Variants in HEXIM2 observed in about 807,000 individuals in gnomAD.
HEXIM2 encodes the protein HEXIM P-TEFb complex subunit 2.
For missense variants in HEXIM2, 413 were observed against 390.8 expected (o/e 1.06, Z -0.48); for synonymous variants, 159 against 162.7 (o/e 0.98, Z 0.17).
intron 3 of HEXIM2, among the ~76,000 whole-genome samples, chr17:45,167,824 C>A (rs1021392813): frequency 6.6e-6 from 1 of 152,054 alleles, no homozygotes; most frequent in Admixed American, 6.6e-5. Flanking sequence ...TCTCGATCTC[C>A]TGACCTCGTG....
rs371950632 is a variant in HEXIM2 at position 45,169,473 on chromosome 17, C to T, written c.525C>T (p.Ala175=). The T allele has an allele frequency of 1.9e-6, 3 of 1,613,630 alleles. No homozygotes were observed. Among genetic ancestry groups the T allele is most frequent in the Non-Finnish European group, 2.5e-6 (3 of 1,179,902 alleles). The change falls in exon 4 of 4, where the codon GCC becomes GCT. Residue 175 remains alanine (A), a synonymous_variant. Transcript: ENST00000589230. ...CAGGTTCCAGTGGGGAGAGTGAGGC[C>T]GGGGACAGTGATGGGCGGGGCCGAG... ...SHPGSSGESE[A]GDSDGRGRAH...
At chr17:45,164,551 C>T (rs2042788236) in intron 3 of HEXIM2, among the ~76,000 whole-genome samples, 2 of 152,176 alleles carry the variant, frequency 1.3e-5, no homozygotes, top group African/African-American at 4.8e-5. Context: ...GCATGATAAT[C>T]ACTTGAACCC....
upstream of HEXIM2, chr17:45,161,468 C>G (rs1055432321): frequency 6.1e-6 from 1 of 162,668 alleles, no homozygotes; most frequent in Non-Finnish European, 1.4e-5. Flanking sequence ...CACTGCGCAG[C>G]GAGTCCCTCC....
At chr17:45,164,943 G>A (rs982748011) in intron 3 of HEXIM2, among the ~76,000 whole-genome samples, 3 of 152,194 alleles carry the variant, frequency 2.0e-5, no homozygotes, top group Admixed American at 1.3e-4. Flanking sequence ...ACAATGTTCA[G>A]CCAGGTCACA....
Position 45,162,608 on chromosome 17 carries a change from C to G in HEXIM2, c.-72C>G, listed in dbSNP as rs554851041. 236 of 1,428,642 alleles carry G rather than the reference C, an allele frequency of 1.7e-4. No individual in the cohort carries two copies. The African/African-American group carries it at 3.2e-3, about 19-fold the overall frequency. 88.5% of individuals were successfully genotyped at this position (1,428,642 alleles called of 1,614,324 possible). On this transcript the variant is annotated 5_prime_UTR_variant, in exon 2 of 4. Transcript: ENST00000589230. ...GTGTGAAAACCAGCGGTGGAGGCAG[C>G]CTTCGGGGCCTGCATTTGAGAATAA...
upstream of HEXIM2, chr17:45,160,851 C>T: frequency 8.1e-7 from 1 of 1,234,272 alleles, no homozygotes; most frequent in Non-Finnish European, 1.1e-6. Context: ...TCTCTAGCTG[C>T]TCCCAGGGGG....
In HEXIM2 at chr17:45,162,798, TG is replaced by T. The variant is rs745541774; in HGVS notation, c.7del (p.Ala3ProfsTer43). On this transcript the variant is annotated frameshift_variant, in exon 3 of 4. Transcript: ENST00000589230. LOFTEE classifies it high-confidence loss of function. ...CTGAAAGATTTGGAACAGAAGATGA[TG>T]GCCACTCCGAACCAGACCGCCTGTA... Reference protein sequence around the residue: MMATPNQTACNA... With the variant: MXATPNQTACNA... 22 of 1,614,002 alleles carry T rather than the reference TG, an allele frequency of 1.4e-5. No homozygotes were observed. Among genetic ancestry groups the T allele is most frequent in the Non-Finnish European group, 1.8e-5 (21 of 1,179,986 alleles).
At chr17:45,167,769 TG>T (rs2042900745) in intron 3 of HEXIM2, among the ~76,000 whole-genome samples, 1 of 152,028 alleles carries the variant, frequency 6.6e-6, no homozygotes, top group South Asian at 2.1e-4. Context: ...TAATTTTTTT[TG>T]TATTTTTAGT....
rs1278030557 is a variant in HEXIM2, at chr17:45,169,689, C to T, written c.741C>T (p.Arg247=). ...CGTGCACCGGCCAGCAGTCCTGCCGCCAGGTGGAGGAGCTGGCTGCCGAGG... is the reference window on the plus strand; with the variant it reads ...CGTGCACCGGCCAGCAGTCCTGCCGTCAGGTGGAGGAGCTGGCTGCCGAGG... The part of the protein sequence containing the change: ...LQACTGQQSC[R]QVEELAAEVQ... The change falls in exon 4 of 4, where the codon CGC becomes CGT. Residue 247 remains arginine (R), a synonymous_variant. Transcript: ENST00000589230. The T allele has an allele frequency of 2.0e-6, 3 of 1,530,950 alleles. No homozygotes were observed. Among genetic ancestry groups the T allele is most frequent in the South Asian group, 2.4e-5 (2 of 82,922 alleles). The allele number at this position is 1,530,950 out of a possible 1,614,324, so 94.8% of individuals were successfully genotyped here. A position where few individuals can be genotyped will look rare whatever the true frequency, so the allele number is the denominator to read the frequency against.
intron 3 of HEXIM2, among the ~76,000 whole-genome samples, chr17:45,167,420 A>T (rs1313952681): frequency 6.6e-6 from 1 of 152,238 alleles, no homozygotes; most frequent in Non-Finnish European, 1.5e-5. Flanking sequence ...AGGGCACCTT[A>T]TTCAAAAATT....
rs1308451159 is a variant in HEXIM2, at chr17:45,169,193, C to T, written c.245C>T (p.Ala82Val). 3 of 1,613,654 alleles carry T rather than the reference C, an allele frequency of 1.9e-6. No individual in the cohort carries two copies. Among genetic ancestry groups the T allele is most frequent in the East Asian group, 4.5e-5 (2 of 44,872 alleles). Residue 82 changes from alanine (A) to valine (V), a missense_variant, in exon 4 of 4, where the codon GCG becomes GTG. Ala to Val is a moderately conservative substitution (Grantham distance 64). Coordinates refer to ENST00000589230, the MANE Select transcript of HEXIM2 (RefSeq NM_001303441.2). The stretch of plus-strand genomic sequence containing the variant: ...ACCCAGAGCCCAGGGGGCTGCTCAG[C>T]GGAGGCTGTGCTGGCCCGGAAGAAA... Reference protein sequence around the residue: ...PRTQSPGGCSAEAVLARKKHR... With the variant: ...PRTQSPGGCSVEAVLARKKHR...
Position 45,169,582 on chromosome 17 carries a change from G to C in HEXIM2, c.634G>C (p.Glu212Gln). 1 of 1,547,196 alleles carries C rather than the reference G, an allele frequency of 6.5e-7. No individual in the cohort carries two copies. Among genetic ancestry groups the C allele is most frequent in the Non-Finnish European group, 8.7e-7 (1 of 1,145,658 alleles). ...TESLQGRSKQELVRDYLELEK... is the reference protein window; with the variant it reads ...TESLQGRSKQQLVRDYLELEK... ...GAGCCTGCAGGGCCGCAGCAAGCAG[G>C]AGCTGGTGCGAGACTACCTGGAGCT... Residue 212 changes from glutamate to glutamine, a missense_variant, in exon 4 of 4, where the codon GAG becomes CAG. Physicochemically the swap from Glu to Gln is conservative, Grantham distance 29. Coordinates refer to ENST00000589230, the MANE Select transcript of HEXIM2 (RefSeq NM_001303441.2).
upstream of HEXIM2, among the ~76,000 whole-genome samples, chr17:45,160,460 T>C (rs2144030241): frequency 6.6e-6 from 1 of 152,228 alleles, no homozygotes; most frequent in South Asian, 2.1e-4. Flanking sequence ...CTTACAAAGA[T>C]TACATTGGAA....
At chr17:45,163,451 G>A (rs1401785190) in intron 3 of HEXIM2, among the ~76,000 whole-genome samples, 1 of 151,280 alleles carries the variant, frequency 6.6e-6, no homozygotes, top group Non-Finnish European at 1.5e-5. Context: ...ACAAGCAACA[G>A]ACCCAGGGTT....
Position 45,161,966 on chromosome 17 carries a change from C to T in HEXIM2, c.-258C>T. 1 of 985,608 alleles carries T rather than the reference C, an allele frequency of 1.0e-6. No homozygotes were observed. The highest frequency in any genetic ancestry group is 1.2e-6 in the Non-Finnish European group (1 of 830,040). The allele number at this position is 985,608 out of a possible 1,614,324, so 61.1% of individuals were successfully genotyped here. A position where few individuals can be genotyped will look rare whatever the true frequency, so the allele number is the denominator to read the frequency against. On this transcript the variant is annotated 5_prime_UTR_variant, in exon 1 of 4. Transcript: ENST00000589230. The stretch of plus-strand genomic sequence containing the variant: ...TAGGGCTCAGGCGTTGGGAATTGCA[C>T]CGACAGGCAGTCGCACAGAAAGGCA...
chr17:45,162,446 C>G, intron 1 of HEXIM2, 42 bp from the exon 2 acceptor site: 2 of 1,092,106 alleles, frequency 1.8e-6, no homozygotes, highest in Non-Finnish European at 2.2e-6. Context: ...AAAACTTACA[C>G]CTGGCTTCCT....
chr17:45,163,286 A>G (rs2042753296), intron 3 of HEXIM2, among the ~76,000 whole-genome samples: 1 of 130,894 alleles, frequency 7.6e-6, no homozygotes, highest in African/African-American at 3.0e-5. Context: ...AGATCTCGCA[A>G]TTGCACTCCA....
chr17:45,169,458 T>G lies in HEXIM2; in HGVS notation c.510T>G (p.Ser170Arg). 6.2e-7 allele frequency: 1 copy of G among 1,611,710 alleles called. No individual in the cohort carries two copies. The highest frequency in any genetic ancestry group is 8.5e-7 in the Non-Finnish European group (1 of 1,179,426). The change falls in exon 4 of 4, where the codon AGT becomes AGG. Residue 170 changes from serine (S) to arginine (R), a missense_variant. By Grantham distance (110) the Ser-to-Arg change is moderately radical (BLOSUM62 -1). Transcript: ENST00000589230. ...ATGGGATCTCCCACCCAGGTTCCAG[T>G]GGGGAGAGTGAGGCCGGGGACAGTG... The part of the protein sequence containing the change: ...VPHGISHPGS[S>R]GESEAGDSDG...
chr17:45,162,774 T>G lies in HEXIM2; in HGVS notation c.-20T>G. 6.2e-7 allele frequency: 1 copy of G among 1,613,892 alleles called. No individual in the cohort carries two copies. The highest frequency in any genetic ancestry group is 1.1e-5 in the South Asian group (1 of 91,078). ...GGTGTCACTAGTTCCAGGCGTCTGC[T>G]GAAAGATTTGGAACAGAAGATGATG... On this transcript the variant is annotated 5_prime_UTR_variant, in exon 3 of 4. Transcript: ENST00000589230.
Sources: allele counts gnomAD v4.1 joint callset (sites outside exome capture counted in the v4.1 genomes callset), GRCh38; gene constraint gnomAD v4.1.1; transcripts MANE v1.5; gene names NCBI Gene and HGNC (gene_info 2026-07-23, HGNC 2026-07-21).